The following BCL2L12 variants were observed in gnomAD, a reference collection of about 807,000 sequenced individuals.
The protein encoded by BCL2L12 is bcl-2-like protein 12.
A neutral mutation model predicts 25.7 loss-of-function variants in BCL2L12; 27 were observed. The observed-to-expected ratio is 1.05, with a 90% CI of 0.78 to 1.45. The LOEUF is 1.45. Among genes scored for constraint, BCL2L12 ranks in the 40% most tolerant of loss-of-function variants. The pLI is 0.00. For synonymous variants in BCL2L12, 132 were observed against 145.6 expected, an observed-to-expected ratio of 0.91 and a Z score of 0.67; for missense variants, 302 against 329.8, an observed-to-expected ratio of 0.92 and a Z score of 0.65.
At chr19:49,665,556 C>A (rs959719783), upstream of BCL2L12, 37 of 427,254 alleles carry the variant, frequency 8.7e-5, no homozygotes, top group African/African-American at 6.9e-4. Context: ...TTTCCACTCT[C>A]CGTGCAGACC....
Position 49,670,273 on chromosome 19 carries a change from G to T in BCL2L12, c.487G>T (p.Ala163Ser). 1.2e-6 allele frequency: 2 copies of T among 1,610,614 alleles called. No homozygotes were observed. Among genetic ancestry groups the T allele is most frequent in the Non-Finnish European group, 1.7e-6 (2 of 1,179,510 alleles). ...KLVRLSSDSFARLVELFCSRD... is the reference protein window; with the variant it reads ...KLVRLSSDSFSRLVELFCSRD... ...GGTCCGCCTGTCCTCCGACTCTTTC[G>T]CCCGCCTGGTGGAGCTGTTCTGTAG... is the stretch of plus-strand genomic sequence containing the variant. Residue 163 changes from alanine to serine, a missense_variant, in exon 6 of 7, where the codon GCC (alanine) becomes TCC (serine). Ala to Ser is a moderately conservative substitution (Grantham distance 99). Coordinates refer to ENST00000246784, the MANE Select transcript of BCL2L12 (RefSeq NM_138639.2).
In BCL2L12 at chr19:49,673,786, G is replaced by C; in HGVS notation, c.*38G>C. ...AAGCTGCTACAAGATGACACCTCAT[G>C]TCCCTGCCCTCTTCGTGTGCTTTTC... On this transcript the variant is annotated 3_prime_UTR_variant, in exon 7 of 7. Transcript: ENST00000246784. The C allele has an allele frequency of 6.2e-7, 1 of 1,609,980 alleles. No homozygotes were observed. Among genetic ancestry groups the C allele is most frequent in the South Asian group, 1.1e-5 (1 of 91,004 alleles).
At position 49,670,252 on chromosome 19, in the gene BCL2L12, C is replaced by A. The variant is rs779584010; in HGVS notation, c.466C>A (p.Arg156Ser). 11 of 1,609,572 alleles carry A rather than the reference C, an allele frequency of 6.8e-6. No individual in the cohort carries two copies. In the South Asian group the frequency reaches 9.9e-5, roughly 14 times the overall value. ...CCCCGCCCTGCGCAGCAAGCTGGTC[C>A]GCCTGTCCTCCGACTCTTTCGCCCG... ...SDPALRSKLV[R>S]LSSDSFARLV... The change falls in exon 6 of 7, where the codon CGC (arginine) becomes AGC (serine). Residue 156 changes from arginine (R) to serine (S), a missense_variant. By Grantham distance (110) the Arg-to-Ser change is moderately radical. Coordinates refer to ENST00000246784, the MANE Select transcript of BCL2L12 (RefSeq NM_138639.2).
intron 3 of BCL2L12, 31 bp from the exon 4 acceptor site, chr19:49,668,820 G>C (rs1481668600): frequency 6.3e-7 from 1 of 1,593,964 alleles, no homozygotes; most frequent in Non-Finnish European, 8.6e-7. Flanking sequence ...CCAATGTCCT[G>C]GAAACCTGTC....
chr19:49,666,973 G>T (rs2081803143), intron 2 of BCL2L12, 46 bp from the exon 3 acceptor site: 1 of 1,597,664 alleles, frequency 6.3e-7, no homozygotes, highest in Non-Finnish European at 8.5e-7. Context: ...GAGACTGCTT[G>T]CAGGGGATCT....
chr19:49,671,608 A>C (rs574109569), intron 6 of BCL2L12, among the ~76,000 whole-genome samples: 7 of 152,150 alleles, frequency 4.6e-5, no homozygotes, highest in Non-Finnish European at 7.4e-5. Context: ...ACTGTACTCC[A>C]GTGTGGGTGA....
chr19:49,671,016 G>C (rs1340714749), intron 6 of BCL2L12, among the ~76,000 whole-genome samples: 1 of 151,812 alleles, frequency 6.6e-6, no homozygotes, highest in East Asian at 1.9e-4. Flanking sequence ...ACATAAATTA[G>C]CCGGGCGCGG....
chr19:49,667,815 C>G (rs2081853045), intron 3 of BCL2L12, among the ~76,000 whole-genome samples: 1 of 152,184 alleles, frequency 6.6e-6, no homozygotes, highest in African/African-American at 2.4e-5. Flanking sequence ...GATTGTTGCT[C>G]TGTCACCCAG....
At chr19:49,665,432 C>A (rs776450666), upstream of BCL2L12, 3 of 191,018 alleles carry the variant, frequency 1.6e-5, no homozygotes, top group Admixed American at 5.4e-5. Context: ...AGTGTAGACG[C>A]CTCCTCTTTT....
Position 49,673,888 on chromosome 19 carries a change from A to T in BCL2L12, c.*140A>T. ...TTTTGCCAAAAATAAATTGTTTAAA[A>T]CTTTTCTTATTAAAAACGTTACAAA... is the stretch of plus-strand genomic sequence containing the variant. On this transcript the variant is annotated 3_prime_UTR_variant, in exon 7 of 7. Transcript: ENST00000246784. 1 of 903,260 alleles carries T rather than the reference A, an allele frequency of 1.1e-6. No individual in the cohort carries two copies. Among genetic ancestry groups the T allele is most frequent in the Non-Finnish European group, 1.7e-6 (1 of 603,250 alleles). 56.0% of individuals were successfully genotyped at this position (903,260 alleles called of 1,614,324 possible).
intron 6 of BCL2L12, among the ~76,000 whole-genome samples, chr19:49,673,172 T>TA (rs1379193090): frequency 1.3e-5 from 2 of 152,062 alleles, no homozygotes; most frequent in Non-Finnish European, 2.9e-5. Context: ...GACAATTTCT[T>TA]AAAAAATTTT....
chr19:49,673,416 G>C (rs1282523283), intron 6 of BCL2L12, among the ~76,000 whole-genome samples: 2 of 151,944 alleles, frequency 1.3e-5, no homozygotes, highest in Admixed American at 6.6e-5. Flanking sequence ...CCCCATCTCT[G>C]ACTCTGTCCC....
chr19:49,666,015 G>C lies in BCL2L12; in HGVS notation c.-61G>C. The C allele has an allele frequency of 6.3e-7, 1 of 1,585,764 alleles. No individual in the cohort carries two copies. The highest frequency in any genetic ancestry group is 8.6e-7 in the Non-Finnish European group (1 of 1,164,218). On this transcript the variant is annotated 5_prime_UTR_variant, in exon 1 of 7. Coordinates refer to ENST00000246784, the MANE Select transcript of BCL2L12 (RefSeq NM_138639.2). ...AACTAATAAAGTTTGTACGAGTTCAGTGGAGGAGACCGCAAGTTGAGTGGA... is the reference window on the plus strand; with the variant it reads ...AACTAATAAAGTTTGTACGAGTTCACTGGAGGAGACCGCAAGTTGAGTGGA...
chr19:49,670,397 G>A lies in BCL2L12; in HGVS notation c.611G>A (p.Arg204Gln), dbSNP rs1192084318. Reference protein sequence around the residue: ...ARLALAMELSRRVAGLGGTLA... With the variant: ...ARLALAMELSQRVAGLGGTLA... Reference sequence around the variant, plus strand: ...CTGGCCCTAGCCATGGAGCTGAGCCGGCGCGTGGCCGGGCTGGGGGGCACC... The same window carrying A: ...CTGGCCCTAGCCATGGAGCTGAGCCAGCGCGTGGCCGGGCTGGGGGGCACC... Residue 204 changes from arginine (R) to glutamine (Q), a missense_variant, in exon 6 of 7, where the codon CGG becomes CAG. Physicochemically the swap from Arg to Gln is conservative, Grantham distance 43 (BLOSUM62 1). Transcript: ENST00000246784. 2 of 1,555,174 alleles carry A rather than the reference G, an allele frequency of 1.3e-6. No individual in the cohort carries two copies. The highest frequency in any genetic ancestry group is 1.7e-6 in the Non-Finnish European group (2 of 1,153,886).
At chr19:49,665,825 T>C (rs752173647), upstream of BCL2L12, 2 of 1,588,046 alleles carry the variant, frequency 1.3e-6, no homozygotes, top group Non-Finnish European at 1.7e-6. Context: ...CAAAAGCCGA[T>C]GGGACGGCCC....
chr19:49,671,552 C>G (rs1568479646), intron 6 of BCL2L12, among the ~76,000 whole-genome samples: 3 of 152,136 alleles, frequency 2.0e-5, no homozygotes, highest in African/African-American at 7.2e-5. Flanking sequence ...CCGGGAGGAT[C>G]ACTTGAGCCC....
At chr19:49,671,198 C>G (rs2081955418) in intron 6 of BCL2L12, among the ~76,000 whole-genome samples, 1 of 150,834 alleles carries the variant, frequency 6.6e-6, no homozygotes, top group Non-Finnish European at 1.5e-5. Flanking sequence ...TGCGGTGGCT[C>G]ACACCTGTAA....
At chr19:49,668,118 G>A (rs1174487328) in intron 3 of BCL2L12, among the ~76,000 whole-genome samples, 1 of 134,166 alleles carries the variant, frequency 7.5e-6, no homozygotes, top group Non-Finnish European at 1.6e-5. Flanking sequence ...TTTTTGAGAC[G>A]GAGTTTCGCC....
chr19:49,670,728 CAG>C (rs1190750346), intron 6 of BCL2L12, among the ~76,000 whole-genome samples: 1 of 152,202 alleles, frequency 6.6e-6, no homozygotes, highest in Admixed American at 6.5e-5. Context: ...TGAGGTTACT[CAG>C]GGAGAGGCCG....
Sources: allele counts gnomAD v4.1 joint callset (sites outside exome capture counted in the v4.1 genomes callset), GRCh38; gene constraint gnomAD v4.1.1; transcripts MANE v1.5; gene names NCBI Gene and HGNC (gene_info 2026-07-23, HGNC 2026-07-21).